NT5C2: variants seen among roughly 807,000 people sequenced by gnomAD.
NT5C2 encodes the protein cytosolic purine 5'-nucleotidase.
A neutral mutation model predicts 76.1 loss-of-function variants in NT5C2; 58 were observed. The observed-to-expected ratio is 0.76, with a 90% CI of 0.62 to 0.95. NT5C2 has a LOEUF of 0.95. NT5C2 is among the 40% of genes least tolerant of loss of function. The pLI is 0.00. For synonymous variants in NT5C2, 229 were observed against 237.4 expected (o/e 0.96, Z 0.32); for missense variants, 478 against 690.3 (o/e 0.69, Z 3.45).
At chr10:103,111,464 G>GA (rs901523181) in intron 4 of NT5C2, among the ~76,000 whole-genome samples, 2 of 152,056 alleles carry the variant, frequency 1.3e-5, no homozygotes, top group African/African-American at 2.4e-5. Context: ...AATCTGCAAG[G>GA]AAAAAACAGT....
chr10:103,090,187 C>T lies in NT5C2; in HGVS notation c.1450-279G>A. 7.5e-6 allele frequency: 3 copies of T among 398,776 alleles called. No individual in the cohort carries two copies. In the South Asian group the frequency reaches 2.0e-4, roughly 26 times the overall value. The allele number at this position is 398,776 out of a possible 1,614,324, so 24.7% of individuals were successfully genotyped here. On this transcript the variant is annotated intron_variant, in intron 18 of 18. Transcript: ENST00000404739. ...TATTTTACAGCAAAAACAAGATAGT[C>T]CTGAAACAGATCAGAATAAAGGAAT...
chr10:103,133,811 A>G (rs12766205), intron 4 of NT5C2, among the ~76,000 whole-genome samples: 62,330 of 151,962 alleles, frequency 0.41, 12,986 homozygotes, highest in East Asian at 0.56. Context: ...TGACAAAAAT[A>G]TTGATAGTGA....
intron 2 of NT5C2, 135 bp from the exon 3 acceptor site, chr10:103,175,117 G>A: frequency 1.9e-6 from 1 of 520,306 alleles, no homozygotes; most frequent in Non-Finnish European, 3.4e-6. Flanking sequence ...ACTGAATACA[G>A]TAAATATGCT....
At chr10:103,169,650 C>A (rs2087343178) in intron 3 of NT5C2, among the ~76,000 whole-genome samples, 1 of 151,878 alleles carries the variant, frequency 6.6e-6, no homozygotes, top group South Asian at 2.1e-4. Flanking sequence ...AAAGCAAATT[C>A]TTGCAAGATA....
intron 3 of NT5C2, among the ~76,000 whole-genome samples, chr10:103,172,194 G>C (rs1224741601): frequency 6.6e-6 from 1 of 151,428 alleles, no homozygotes; most frequent in Admixed American, 6.6e-5. Context: ...CAAGAGCAAA[G>C]ACTCTGTCTC....
At position 103,089,103 on chromosome 10, in the gene NT5C2, T is replaced by G. The variant is rs752803531; in HGVS notation, c.*569A>C. ...AAGCAACGCAAGTAGAGCATACTTC[T>G]GTGCAAAGCCAGTGATAGAGAAGCA... On this transcript the variant is annotated 3_prime_UTR_variant, in exon 19 of 19. Coordinates refer to ENST00000404739, the MANE Select transcript of NT5C2 (RefSeq NM_001351169.2). 1.8e-5 allele frequency: 4 copies of G among 226,960 alleles called. No homozygotes were observed. Among genetic ancestry groups the G allele is most frequent in the Non-Finnish European group, 2.6e-5 (3 of 114,200 alleles). The allele number at this position is 226,960 out of a possible 1,614,324, so 14.1% of individuals were successfully genotyped here. A position where few individuals can be genotyped will look rare whatever the true frequency, so the allele number is the denominator to read the frequency against.
chr10:103,089,848 G>A lies in NT5C2; in HGVS notation c.1510C>T (p.Leu504Phe). Residue 504 changes from leucine (L) to phenylalanine (F), a missense_variant, in exon 19 of 19, where the codon CTT becomes TTT. Physicochemically the swap from Leu to Phe is conservative, Grantham distance 22. Coordinates refer to ENST00000404739, the MANE Select transcript of NT5C2 (RefSeq NM_001351169.2). ...ACTGATGTGCGGTTCCGGGTGGCAA[G>A]AGGAGACTCCATCTCATTGATATCT... Reference protein sequence around the residue: ...HVDINEMESPLATRNRTSVDF... With the variant: ...HVDINEMESPFATRNRTSVDF... 1 of 1,614,096 alleles carries A rather than the reference G, an allele frequency of 6.2e-7. No individual in the cohort carries two copies. Among genetic ancestry groups the A allele is most frequent in the Non-Finnish European group, 8.5e-7 (1 of 1,179,992 alleles).
At chr10:103,187,182 G>A (rs112628562) in intron 1 of NT5C2, among the ~76,000 whole-genome samples, 136 of 151,914 alleles carry the variant, frequency 9.0e-4, no homozygotes, top group Non-Finnish European at 1.6e-3. Flanking sequence ...CCCAGCAGGC[G>A]GAAGTTGCAG....
intron 4 of NT5C2, among the ~76,000 whole-genome samples, chr10:103,120,309 T>G (rs1341682053): frequency 6.6e-6 from 1 of 152,104 alleles, no homozygotes; most frequent in African/African-American, 2.4e-5. Context: ...TTAAAAACTT[T>G]TGTGCCTCAA....
At chr10:103,161,054 A>T (rs1305634862) in intron 3 of NT5C2, among the ~76,000 whole-genome samples, 2 of 152,222 alleles carry the variant, frequency 1.3e-5, no homozygotes, top group Admixed American at 1.3e-4. Context: ...AAACTGGAAC[A>T]TTCATACACT....
rs1198463997 is a variant in NT5C2 at position 103,098,877 on chromosome 10, C to T, written c.687+54G>A. The stretch of plus-strand genomic sequence containing the variant: ...TATAAATCAGCTTGTTATTAATTTC[C>T]CTAATAGGTAAAATGAGCTATTATG... On this transcript the variant is annotated intron_variant, in intron 10 of 18. Coordinates refer to ENST00000404739, the MANE Select transcript of NT5C2 (RefSeq NM_001351169.2). 6 of 1,216,382 alleles carry T rather than the reference C, an allele frequency of 4.9e-6. No individual in the cohort carries two copies. The East Asian group carries it at 1.4e-4, about 28-fold the overall frequency. 75.3% of individuals were successfully genotyped at this position (1,216,382 alleles called of 1,614,324 possible). A position where few individuals can be genotyped will look rare whatever the true frequency, so the allele number is the denominator to read the frequency against.
At chr10:103,133,939 C>T (rs1023130957) in intron 4 of NT5C2, among the ~76,000 whole-genome samples, 3 of 152,134 alleles carry the variant, frequency 2.0e-5, no homozygotes. Context: ...CATTTTGCCC[C>T]TACCCTAGAG....
rs894934897 is a variant in NT5C2 at position 103,168,147 on chromosome 10, CAA to C, written c.101+6709_101+6710del. Among the ~76,000 whole-genome samples, 87 of 149,092 alleles carry C rather than the reference CAA, an allele frequency of 5.8e-4. No individual in the cohort carries two copies. In the Middle Eastern group the frequency reaches 0.01, roughly 18 times the overall value. On this transcript the variant is annotated intron_variant, in intron 3 of 18. Coordinates refer to ENST00000404739, the MANE Select transcript of NT5C2 (RefSeq NM_001351169.2). The stretch of plus-strand genomic sequence containing the variant: ...AGATATATAATTTAAGATAAATATA[CAA>C]AAGTCTTTAAAGAATTTTAAAGAGA...
At chr10:103,156,823 C>T (rs1174873711) in intron 3 of NT5C2, among the ~76,000 whole-genome samples, 2 of 151,568 alleles carry the variant, frequency 1.3e-5, no homozygotes, top group African/African-American at 2.4e-5. Context: ...TTTGGGAGGC[C>T]GAGGCAGGCA....
intron 16 of NT5C2, among the ~76,000 whole-genome samples, chr10:103,091,232 C>T (rs1380820650): frequency 6.6e-6 from 1 of 152,034 alleles, no homozygotes; most frequent in Admixed American, 6.6e-5. Flanking sequence ...GATGGGGTTT[C>T]GTTTGCCATG....
rs983180088 is a variant in NT5C2, at chr10:103,189,682, A to AT, written c.-169+3553dup. On this transcript the variant is annotated intron_variant, in intron 1 of 18. Coordinates refer to ENST00000404739, the MANE Select transcript of NT5C2 (RefSeq NM_001351169.2). ...ACTTTTTTCTTTTACTGTTTACTGA[A>AT]TTTTTTTTTTTTGAGATGCTCTGTC... Among the ~76,000 whole-genome samples, 464 of 146,286 alleles carry AT rather than the reference A, an allele frequency of 3.2e-3. 2 individuals are homozygous for AT. Among genetic ancestry groups the AT allele is most frequent in the South Asian group, 6.7e-3 (31 of 4,606 alleles).
chr10:103,185,147 A>G (rs1272651916), intron 1 of NT5C2, among the ~76,000 whole-genome samples: 2 of 152,222 alleles, frequency 1.3e-5, no homozygotes, highest in African/African-American at 2.4e-5. Context: ...ACCTTCAACA[A>G]TAACATGGTT....
At chr10:103,151,350 GCTA>G (rs1261755248) in intron 3 of NT5C2, among the ~76,000 whole-genome samples, 2 of 151,846 alleles carry the variant, frequency 1.3e-5, no homozygotes, top group African/African-American at 4.8e-5. Flanking sequence ...TGTAATCCCA[GCTA>G]CTAAGGAAGG....
At chr10:103,188,971 C>T (rs998178838) in intron 1 of NT5C2, among the ~76,000 whole-genome samples, 2 of 151,442 alleles carry the variant, frequency 1.3e-5, no homozygotes, top group African/African-American at 4.9e-5. Flanking sequence ...GAGATCGAGC[C>T]AGCCTGGGCA....
Sources: allele counts gnomAD v4.1 joint callset (sites outside exome capture counted in the v4.1 genomes callset), GRCh38; gene constraint gnomAD v4.1.1; transcripts MANE v1.5; gene names NCBI Gene and HGNC (gene_info 2026-07-23, HGNC 2026-07-21).